CEL: variants seen among roughly 807,000 people sequenced by gnomAD.
CEL encodes the protein carboxyl ester lipase.
Under a neutral mutation model 57.1 loss-of-function variants are expected in CEL, and 39 were observed. The ratio of observed to expected loss-of-function variants is 0.68; its 90% CI spans 0.53 to 0.89. The LOEUF (loss-of-function observed/expected upper bound fraction) is 0.89. Ranked by LOEUF, CEL falls within the 40% of genes least tolerant of loss-of-function variation. The pLI is 0.00. For missense variants in CEL, 698 were observed against 915.0 expected (o/e 0.76, Z 3.06); for synonymous variants, 314 against 396.6 (o/e 0.79, Z 2.48).
chr9:133,069,806 A>C (rs998480330), intron 9 of CEL, among the ~76,000 whole-genome samples: 1 of 151,994 alleles, frequency 6.6e-6, no homozygotes, highest in African/African-American at 2.4e-5. Context: ...CCCCATCTCT[A>C]CTAAAAATAC....
At position 133,071,162 on chromosome 9, in the gene CEL, G is replaced by C; in HGVS notation, c.1660G>C (p.Asp554His). 1 of 1,607,964 alleles carries C rather than the reference G, an allele frequency of 6.2e-7. No individual in the cohort carries two copies. Among genetic ancestry groups the C allele is most frequent in the Non-Finnish European group, 8.5e-7 (1 of 1,179,516 alleles). ...CTATCTGGCGCTGCCCACAGTGACC[G>C]ACCAGGAGGCCACCCCTGTGCCCCC... is the stretch of plus-strand genomic sequence containing the variant. ...LTYLALPTVT[D>H]QEATPVPPTG... The change falls in exon 11 of 11, where the codon GAC becomes CAC. Residue 554 changes from aspartate to histidine, a missense_variant. Asp to His is a moderately conservative substitution (Grantham distance 81, BLOSUM62 -1). This residue lies in a region of CEL where 238 missense variants were observed against 213.7 expected (regional missense o/e 1.11). Coordinates refer to ENST00000372080, the MANE Select transcript of CEL (RefSeq NM_001807.6).
Position 133,070,678 on chromosome 9 carries a change from C to T in CEL, c.1484+20C>T, listed in dbSNP as rs2119069268. On this transcript the variant is annotated intron_variant, in intron 10 of 10. Transcript: ENST00000372080. ...AACAGGGTAAGACGTGGGTTGAGTGCAGGGCGGAGGGCCACAGCCGAGAAG... is the reference window on the plus strand; with the variant it reads ...AACAGGGTAAGACGTGGGTTGAGTGTAGGGCGGAGGGCCACAGCCGAGAAG... 1 of 1,613,980 alleles carries T rather than the reference C, an allele frequency of 6.2e-7. No individual in the cohort carries two copies.
intron 7 of CEL, among the ~76,000 whole-genome samples, chr9:133,068,156 C>T (rs1460488933): frequency 2.0e-5 from 3 of 152,228 alleles, no homozygotes; most frequent in Non-Finnish European, 2.9e-5. Flanking sequence ...AGCCAGGCCC[C>T]GCCTGCCTCA....
At chr9:133,065,550 T>C (rs552291004) in intron 4 of CEL, among the ~76,000 whole-genome samples, 6 of 151,842 alleles carry the variant, frequency 4.0e-5, no homozygotes, top group South Asian at 2.1e-4. Context: ...ACACAAAAAT[T>C]AAAAATTAGC....
chr9:133,071,805 A>G lies in CEL; in HGVS notation c.*41A>G, dbSNP rs776532127. On this transcript the variant is annotated 3_prime_UTR_variant, in exon 11 of 11. Coordinates refer to ENST00000372080, the MANE Select transcript of CEL (RefSeq NM_001807.6). ...GGTATCAAGAGGCCACAAGAGTGGG[A>G]CCCCAGGGGCTCCCCTCCCATCTTG... 1.3e-6 allele frequency: 2 copies of G among 1,572,704 alleles called. No homozygotes were observed. The highest frequency in any genetic ancestry group is 2.2e-5 in the South Asian group (2 of 90,002).
intron 1 of CEL, among the ~76,000 whole-genome samples, chr9:133,063,103 T>C (rs1379936384): frequency 6.6e-6 from 1 of 151,872 alleles, no homozygotes; most frequent in Non-Finnish European, 1.5e-5. Flanking sequence ...TGGGGACTCC[T>C]GTCTCCACCT....
chr9:133,063,802 C>T (rs1830130757), intron 1 of CEL, among the ~76,000 whole-genome samples: 1 of 151,944 alleles, frequency 6.6e-6, no homozygotes, highest in African/African-American at 2.4e-5. Context: ...GGTGTGGTCC[C>T]TAGGGGGTTC....
rs772791892 is a variant in CEL, at chr9:133,070,444, T to C, written c.1287-17T>C. On this transcript the variant is annotated splice_polypyrimidine_tract_variant and intron_variant, in intron 9 of 10. Transcript: ENST00000372080. ...CCAGTGAGCACCCTGCCTACTTGGGTGGTCTCTCCCCTCCAGGAGTGCCAA... is the reference window on the plus strand; with the variant it reads ...CCAGTGAGCACCCTGCCTACTTGGGCGGTCTCTCCCCTCCAGGAGTGCCAA... The C allele has an allele frequency of 7.5e-6, 12 of 1,608,356 alleles. No homozygotes were observed. The highest frequency in any genetic ancestry group is 3.4e-5 in the Admixed American group (2 of 59,472).
chr9:133,070,721 C>T lies in CEL; in HGVS notation c.1484+63C>T, dbSNP rs1830247156. The stretch of plus-strand genomic sequence containing the variant: ...CCGAGAAGGGCCTCCCACCACGAGG[C>T]CTTGTTCCCTCATTTGCCAGTGGAG... On this transcript the variant is annotated intron_variant, in intron 10 of 10. Transcript: ENST00000372080. The T allele has an allele frequency of 2.5e-6, 4 of 1,608,052 alleles. No homozygotes were observed. The Admixed American group carries it at 5.0e-5, about 20-fold the overall frequency.
rs1229199498 is a variant in CEL, at chr9:133,071,596, CG to C, written c.2098del (p.Ala700ProfsTer4). 1 of 1,400,234 alleles carries C rather than the reference CG, an allele frequency of 7.1e-7. No individual in the cohort carries two copies. Among genetic ancestry groups the C allele is most frequent in the Non-Finnish European group, 9.7e-7 (1 of 1,030,574 alleles). 86.7% of individuals were successfully genotyped at this position (1,400,234 alleles called of 1,614,324 possible). On this transcript the variant is annotated frameshift_variant, in exon 11 of 11. Coordinates refer to ENST00000372080, the MANE Select transcript of CEL (RefSeq NM_001807.6). LOFTEE classifies it high-confidence loss of function. The part of the protein sequence containing the change: ...APPVPPTGDS[G>X]APPVTPTGDS... ...CCCCCGTGCCGCCCACGGGTGACTC[CG>C]GGGCCCCCCCCGTGACCCCCACGGG...
Position 133,066,669 on chromosome 9 carries a change from A to C in CEL, c.669+9A>C. ...CCAGCGTCTCTCTGCAGGTCTCGGG[A>C]TCCCTGTGGGGAGGGCCTGCCCCAC... is the stretch of plus-strand genomic sequence containing the variant. On this transcript the variant is annotated intron_variant, in intron 5 of 10. Transcript: ENST00000372080. This position sits in a 1 kb window ranked among gnomAD's most constrained non-coding sequence, Gnocchi z 4.3. 1 of 1,612,618 alleles carries C rather than the reference A, an allele frequency of 6.2e-7. No individual in the cohort carries two copies. The highest frequency in any genetic ancestry group is 8.5e-7 in the Non-Finnish European group (1 of 1,179,288).
In CEL at chr9:133,064,924, C is replaced by T. The variant is rs948718350; in HGVS notation, c.341-116C>T. ...CGTTGCCCAGCCTGGGGCAGGGCAG[C>T]GCCTTGGAGCACCTCCCTGTCTTGG... is the stretch of plus-strand genomic sequence containing the variant. On this transcript the variant is annotated intron_variant, in intron 3 of 10. Transcript: ENST00000372080. The T allele has an allele frequency of 1.6e-5, 25 of 1,525,176 alleles. No homozygotes were observed. The East Asian group carries it at 2.3e-4, about 14-fold the overall frequency. 94.5% of individuals were successfully genotyped at this position (1,525,176 alleles called of 1,614,324 possible).
At chr9:133,068,340 G>C (rs1345945429) in intron 7 of CEL, among the ~76,000 whole-genome samples, 4 of 152,120 alleles carry the variant, frequency 2.6e-5, no homozygotes, top group Non-Finnish European at 4.4e-5. Context: ...AGCAAAGAGA[G>C]AGAGGAGAGG....
At position 133,070,079 on chromosome 9, in the gene CEL, T is replaced by G. The variant is rs548836059; in HGVS notation, c.1287-382T>G. Among the ~76,000 whole-genome samples, 379 of 151,672 alleles carry G rather than the reference T, an allele frequency of 2.5e-3. 2 individuals are homozygous for G. Among genetic ancestry groups the G allele is most frequent in the African/African-American group, 8.9e-3 (368 of 41,232 alleles). On this transcript the variant is annotated intron_variant, in intron 9 of 10. Transcript: ENST00000372080. ...TCTAGGATGAAAGCTTTGCAGCAAC[T>G]AAGCAGTACATTTAGCTGTGAGCCT...
Position 133,069,618 on chromosome 9 carries a change from T to C in CEL, c.1286+359T>C, listed in dbSNP as rs549056248. On this transcript the variant is annotated intron_variant, in intron 9 of 10. Transcript: ENST00000372080. ...CACTGACTCTTATGGGCCTCAACTT[T>C]GCCCATAATTTCAGCCCACCACCAC... is the stretch of plus-strand genomic sequence containing the variant. Among the ~76,000 whole-genome samples the C allele has an allele frequency of 1.9e-4, 29 of 152,160 alleles. No individual in the cohort carries two copies. In the East Asian group the frequency reaches 2.1e-3, roughly 11 times the overall value.
At position 133,064,416 on chromosome 9, in the gene CEL, T is replaced by C. The variant is rs772301131; in HGVS notation, c.79T>C (p.Tyr27His). 10 of 1,614,082 alleles carry C rather than the reference T, an allele frequency of 6.2e-6. No individual in the cohort carries two copies. The highest frequency in any genetic ancestry group is 1.3e-5 in the African/African-American group (1 of 75,048). ...VASAAKLGAV[Y>H]TEGGFVEGVN... ...GTCTCCCTCGCAGCTGGGCGCCGTG[T>C]ACACAGAAGGTGGGTTCGTGGAAGG... The change falls in exon 2 of 11, where the codon TAC becomes CAC. Residue 27 changes from tyrosine (Y) to histidine (H), a missense_variant. Tyr to His is a moderately conservative substitution (Grantham distance 83). Around this residue, in one of 6 missense-constraint regions of CEL, gnomAD observed 327 missense variants for 374.1 expected, o/e 0.87. Coordinates refer to ENST00000372080, the MANE Select transcript of CEL (RefSeq NM_001807.6).
chr9:133,067,780 A>G (rs1235672603), intron 7 of CEL, among the ~76,000 whole-genome samples: 1 of 152,088 alleles, frequency 6.6e-6, no homozygotes, highest in Non-Finnish European at 1.5e-5. Flanking sequence ...TCATTTGCAT[A>G]TAATTTTAGG....
rs2119062981 is a variant in CEL, at chr9:133,066,759, G to A, written c.670-79G>A. The A allele has an allele frequency of 1.2e-6, 2 of 1,608,038 alleles. No homozygotes were observed. The highest frequency in any genetic ancestry group is 1.7e-6 in the Non-Finnish European group (2 of 1,175,768). On this transcript the variant is annotated intron_variant, in intron 5 of 10. Transcript: ENST00000372080. The surrounding 1 kb of genome is among the most constrained non-coding windows in gnomAD (Gnocchi z 4.3). ...GGAGGAGCGTGGAGCTGGGGCTGTG[G>A]TGCTGGGGTGTCCTTGTCCCAGCGT...
chr9:133,065,131 G>A lies in CEL; in HGVS notation c.432G>A (p.Leu144=), dbSNP rs115568146. ...GHGANFLNNY[L]YDGEEIATRG... is the part of the protein sequence containing the mutation. ...GGGCCAACTTCCTCAACAACTACCT[G>A]TATGACGGCGAGGAGATCGCCACAC... The change falls in exon 4 of 11, where the codon CTG becomes CTA. Residue 144 remains leucine (L), a synonymous_variant. Coordinates refer to ENST00000372080, the MANE Select transcript of CEL (RefSeq NM_001807.6). The A allele has an allele frequency of 7.2e-4, 1,162 of 1,614,006 alleles. 8 individuals carry two copies. In the African/African-American group the frequency reaches 0.013, roughly 18 times the overall value.
Sources: gnomAD v4.1 joint callset for allele counts (sites outside exome capture counted in the v4.1 genomes callset) on GRCh38, gnomAD v4.1.1 for gene constraint, gnomAD v4.1.1 regional missense constraint, Gnocchi (gnomAD v3.1) non-coding constraint, MANE v1.5 for transcripts, NCBI Gene and HGNC (gene_info 2026-07-23, HGNC 2026-07-21) for gene names.